The following ELAVL4 variants were observed in gnomAD, a reference collection of about 807,000 sequenced individuals.
The protein encoded by ELAVL4 is ELAV like RNA binding protein 4, also known as ELAV-like protein 4.
Under a neutral mutation model 35.6 loss-of-function variants are expected in ELAVL4, and 1 was observed. The ratio of observed to expected loss-of-function variants is 0.03; its 90% CI spans 0.01 to 0.13. The LOEUF (loss-of-function observed/expected upper bound fraction) is 0.13. ELAVL4 is among the 10% of genes least tolerant of loss of function. The pLI, the probability that ELAVL4 is intolerant of heterozygous loss-of-function variation, is 1.00. For missense variants in ELAVL4, 267 were observed against 464.9 expected (o/e 0.57, Z 3.91); for synonymous variants, 156 against 171.0 (o/e 0.91, Z 0.69).
chr1:50,184,382 G>A (rs1389561285), intron 3 of ELAVL4, among the ~76,000 whole-genome samples: 1 of 133,662 alleles, frequency 7.5e-6, no homozygotes, highest in Non-Finnish European at 1.6e-5. Context: ...AGCCAACAAT[G>A]TGATGTGAGC....
At chr1:50,095,027 T>A (rs992779939) in intron 1 of ELAVL4, among the ~76,000 whole-genome samples, 1 of 152,182 alleles carries the variant, frequency 6.6e-6, no homozygotes, top group Non-Finnish European at 1.5e-5. Context: ...AGCACTGTTA[T>A]CCTGTATGCT....
At chr1:50,152,596 A>G (rs1356533858) in intron 2 of ELAVL4, among the ~76,000 whole-genome samples, 1 of 152,184 alleles carries the variant, frequency 6.6e-6, no homozygotes, top group Non-Finnish European at 1.5e-5. Context: ...GAAATGTGTT[A>G]ATGGGAAATT....
intron 2 of ELAVL4, among the ~76,000 whole-genome samples, chr1:50,160,111 G>C (rs946779277): frequency 2.6e-5 from 4 of 152,154 alleles, no homozygotes; most frequent in African/African-American, 9.7e-5. Context: ...CCATTGCCTG[G>C]AAGAGCTGAG....
intron 1 of ELAVL4, among the ~76,000 whole-genome samples, chr1:50,078,227 C>G (rs1426264736): frequency 6.6e-6 from 1 of 151,570 alleles, no homozygotes; most frequent in Non-Finnish European, 1.5e-5. Context: ...ACACAGAGAG[C>G]AAACTCTCAT....
chr1:50,054,711 A>C (rs753822595), intron 1 of ELAVL4, among the ~76,000 whole-genome samples: 4 of 152,164 alleles, frequency 2.6e-5, no homozygotes, highest in Non-Finnish European at 4.4e-5. Flanking sequence ...GACAGCCATT[A>C]TTAAGTTTTG....
At chr1:50,104,962 G>A (rs1317194937), upstream of ELAVL4, among the ~76,000 whole-genome samples, 2 of 152,158 alleles carry the variant, frequency 1.3e-5, no homozygotes, top group Non-Finnish European at 2.9e-5. Context: ...TCCACTTCGA[G>A]GCAGATCTTC....
chr1:50,097,246 CGT>C (rs1348321180), intron 1 of ELAVL4, among the ~76,000 whole-genome samples: 5 of 151,960 alleles, frequency 3.3e-5, no homozygotes. Context: ...CAAAACCTCT[CGT>C]GACCAGACTG....
At chr1:50,095,569 T>C (rs951995924) in intron 1 of ELAVL4, among the ~76,000 whole-genome samples, 24 of 152,210 alleles carry the variant, frequency 1.6e-4, no homozygotes, top group Admixed American at 7.2e-4. Flanking sequence ...CACACACACA[T>C]ACAGCCACAC....
chr1:50,101,394 A>C (rs1665969905), upstream of ELAVL4, among the ~76,000 whole-genome samples: 1 of 152,186 alleles, frequency 6.6e-6, no homozygotes, highest in Non-Finnish European at 1.5e-5. Flanking sequence ...TTCCAAATTT[A>C]CAGCCTGATT....
chr1:50,073,249 G>A (rs1437953999), intron 1 of ELAVL4, among the ~76,000 whole-genome samples: 1 of 152,104 alleles, frequency 6.6e-6, no homozygotes, highest in Non-Finnish European at 1.5e-5. Context: ...GATATAAGCT[G>A]AGGGCCCTCA....
chr1:50,056,790 G>C (rs1663696758), intron 1 of ELAVL4, among the ~76,000 whole-genome samples: 1 of 152,078 alleles, frequency 6.6e-6, no homozygotes, highest in Non-Finnish European at 1.5e-5. Context: ...AAATTAGCTG[G>C]ACATGGTGGC....
chr1:50,202,416 A>T lies in ELAVL4; in HGVS notation c.*1238A>T, dbSNP rs1360201723. The T allele has an allele frequency of 6.6e-6, 1 of 152,208 alleles. No homozygotes were observed. Among genetic ancestry groups the T allele is most frequent in the African/African-American group, 2.4e-5 (1 of 41,472 alleles). The allele number at this position is 152,208 out of a possible 1,614,324, so 9.4% of individuals were successfully genotyped here. A position where few individuals can be genotyped will look rare whatever the true frequency, so the allele number is the denominator to read the frequency against. ...TTTAGGAGAGGAAAACAAAAGATAC[A>T]TTTGCTTTAAATTCATTAAGAAATT... On this transcript the variant is annotated 3_prime_UTR_variant, in exon 7 of 7. Coordinates refer to ENST00000371824, the MANE Select transcript of ELAVL4 (RefSeq NM_001144774.3).
intron 6 of ELAVL4, among the ~76,000 whole-genome samples, chr1:50,200,312 A>G (rs953864963): frequency 6.6e-6 from 1 of 152,204 alleles, no homozygotes; most frequent in Non-Finnish European, 1.5e-5. Context: ...GCCTTTAAAA[A>G]AAAAAACAAT....
At chr1:50,077,185 A>G (rs56206954) in intron 1 of ELAVL4, among the ~76,000 whole-genome samples, 3,321 of 152,278 alleles carry the variant, frequency 0.022, 114 homozygotes, top group African/African-American at 0.074. Context: ...ATACATGTGT[A>G]TATGTATTAG....
intron 3 of ELAVL4, among the ~76,000 whole-genome samples, chr1:50,192,019 G>A (rs1324539822): frequency 6.6e-6 from 1 of 152,176 alleles, no homozygotes; most frequent in Non-Finnish European, 1.5e-5. Flanking sequence ...AGGGGTGGGA[G>A]AACCTTCTGT....
At chr1:50,166,512 A>T (rs1403765259) in intron 2 of ELAVL4, among the ~76,000 whole-genome samples, 1 of 152,246 alleles carries the variant, frequency 6.6e-6, no homozygotes, top group East Asian at 1.9e-4. Context: ...GGAAATACCC[A>T]TGACAATTAC....
chr1:50,055,296 G>C (rs1445692969), intron 1 of ELAVL4, among the ~76,000 whole-genome samples: 1 of 150,770 alleles, frequency 6.6e-6, no homozygotes, highest in Non-Finnish European at 1.5e-5. Flanking sequence ...TTTTGTTTTT[G>C]TTTTTGTTTT....
At chr1:50,151,263 C>T (rs1674735031) in intron 2 of ELAVL4, among the ~76,000 whole-genome samples, 2 of 152,108 alleles carry the variant, frequency 1.3e-5, no homozygotes, top group African/African-American at 4.8e-5. Context: ...GCTTGTATAC[C>T]TAGGGAATGA....
intron 1 of ELAVL4, among the ~76,000 whole-genome samples, chr1:50,056,901 C>T (rs1663705155): frequency 6.7e-6 from 1 of 149,056 alleles, no homozygotes; most frequent in African/African-American, 2.5e-5. Flanking sequence ...CACTGCACTC[C>T]AGCCTGGGTG....
Sources: gnomAD v4.1 joint callset for allele counts (sites outside exome capture counted in the v4.1 genomes callset) on GRCh38, gnomAD v4.1.1 for gene constraint, MANE v1.5 for transcripts, NCBI Gene and HGNC (gene_info 2026-07-23, HGNC 2026-07-21) for gene names.